The following PHLPP1 variants were observed in gnomAD, a reference collection of about 807,000 sequenced individuals.
PHLPP1 encodes the protein PH domain and leucine rich repeat protein phosphatase 1.
Under a neutral mutation model 117.2 loss-of-function variants are expected in PHLPP1, and 42 were observed. The observed-to-expected ratio is 0.36, with a 90% confidence interval of 0.28 to 0.46. PHLPP1 has a LOEUF of 0.46. Ranked by LOEUF, PHLPP1 falls within the 20% of genes least tolerant of loss-of-function variation. The probability of loss-of-function intolerance (pLI) is 1.00; values close to 1 mark genes in which losing one functional copy is unlikely to be tolerated. For missense variants in PHLPP1, 2,084 were observed against 2,241.9 expected, an observed-to-expected ratio of 0.93 and a Z score of 1.42; for synonymous variants, 1,042 against 970.7, an observed-to-expected ratio of 1.07 and a Z score of -1.37.
chr18:62,834,107 G>A (rs949593146), intron 2 of PHLPP1, among the ~76,000 whole-genome samples: 1 of 152,126 alleles, frequency 6.6e-6, no homozygotes, highest in Non-Finnish European at 1.5e-5. Flanking sequence ...TGGGGTTGGG[G>A]GGTGGGCGTT....
chr18:62,790,530 A>T (rs1444892098), intron 1 of PHLPP1, among the ~76,000 whole-genome samples: 3 of 152,234 alleles, frequency 2.0e-5, no homozygotes, highest in Non-Finnish European at 2.9e-5. Context: ...ATTCTTGGGC[A>T]TCTATAAAGC....
chr18:62,931,826 C>T (rs183789578), intron 10 of PHLPP1, among the ~76,000 whole-genome samples: 1 of 131,074 alleles, frequency 7.6e-6, no homozygotes, highest in East Asian at 2.5e-4. Flanking sequence ...ATCCGGGAGG[C>T]GGAGGTTACA....
rs1182695354 is a variant in PHLPP1, at chr18:62,972,686, A to G, written c.3733A>G (p.Asn1245Asp). ...KTKNEEEYMVNTFIVMQRKLG... is the reference protein window; with the variant it reads ...KTKNEEEYMVDTFIVMQRKLG... ...AAAAAACGAAGAAGAATACATGGTCAATACATTCATTGTCATGCAAAGGTA... is the reference window on the plus strand; with the variant it reads ...AAAAAACGAAGAAGAATACATGGTCGATACATTCATTGTCATGCAAAGGTA... Residue 1245 changes from asparagine (N) to aspartate (D), a missense_variant, in exon 15 of 17, where the codon AAT becomes GAT. Coordinates refer to ENST00000262719, the MANE Select transcript of PHLPP1 (RefSeq NM_194449.4). The G allele has an allele frequency of 6.2e-7, 1 of 1,613,146 alleles. No homozygotes were observed. Among genetic ancestry groups the G allele is most frequent in the South Asian group, 1.1e-5 (1 of 91,028 alleles).
At chr18:62,915,131 T>C in intron 9 of PHLPP1, 123 bp downstream of exon 9, 1 of 662,000 alleles carries the variant, frequency 1.5e-6, no homozygotes, top group South Asian at 2.0e-5. Flanking sequence ...TAATATGGTG[T>C]CTTTTACCCC....
Position 62,920,109 on chromosome 18 carries a change from T to C in PHLPP1, c.2955T>C (p.Ala985=), listed in dbSNP as rs1323057727. ...TCCCACCTAACCTTCTGATGAAGGC[T>C]GACAGGTAAAGCCATTTGTCTTGTT... The part of the protein sequence containing the change: ...LELPPNLLMK[A]DSLRFLNASA... The change falls in exon 10 of 17, where the codon GCT becomes GCC. Residue 985 remains alanine, a synonymous_variant. Coordinates refer to ENST00000262719, the MANE Select transcript of PHLPP1 (RefSeq NM_194449.4). 6.2e-7 allele frequency: 1 copy of C among 1,613,458 alleles called. No individual in the cohort carries two copies. The highest frequency in any genetic ancestry group is 1.7e-5 in the Admixed American group (1 of 59,918).
intron 4 of PHLPP1, among the ~76,000 whole-genome samples, chr18:62,883,213 C>G (rs1417440111): frequency 6.6e-6 from 1 of 152,030 alleles, no homozygotes; most frequent in Non-Finnish European, 1.5e-5. Flanking sequence ...GAAGAGATTG[C>G]CAAATATGAG....
rs375058081 is a variant in PHLPP1, at chr18:62,749,233, G to GT, written c.1576+31988dup. ...TATTCTAAATAAATGTATATATAAG[G>GT]TTTTTTTTTTTTTTAAATTTAAGTT... On this transcript the variant is annotated intron_variant, in intron 1 of 16. Coordinates refer to ENST00000262719, the MANE Select transcript of PHLPP1 (RefSeq NM_194449.4). Among the ~76,000 whole-genome samples, 714 of 142,814 alleles carry GT rather than the reference G, an allele frequency of 5.0e-3. 3 individuals carry two copies. The highest frequency in any genetic ancestry group is 0.021 in the South Asian group (96 of 4,474). The allele number at this position is 142,814 out of a possible 152,430, so 93.7% of individuals were successfully genotyped here.
intron 12 of PHLPP1, among the ~76,000 whole-genome samples, chr18:62,953,464 CT>C (rs779759423): frequency 8.9e-4 from 136 of 152,338 alleles, no homozygotes; most frequent in Non-Finnish European, 9.4e-4. Context: ...AAAATCTTCT[CT>C]GGAAAGGCCT....
chr18:62,736,948 A>G (rs571063787), intron 1 of PHLPP1, among the ~76,000 whole-genome samples: 1 of 152,212 alleles, frequency 6.6e-6, no homozygotes, highest in Non-Finnish European at 1.5e-5. Context: ...AGAAGTGAGG[A>G]GGTATAAAAA....
chr18:62,968,452 C>T (rs1163398999), intron 14 of PHLPP1, among the ~76,000 whole-genome samples: 1 of 139,844 alleles, frequency 7.2e-6, no homozygotes, highest in Admixed American at 7.4e-5. Context: ...TAATTTGTGT[C>T]TTTCAAGGAA....
rs35111642 is a variant in PHLPP1 at position 62,827,252 on chromosome 18, G to A, written c.1577-2783G>A. Among the ~76,000 whole-genome samples the A allele has an allele frequency of 3.4e-4, 52 of 152,294 alleles. No individual in the cohort carries two copies. The East Asian group carries it at 9.1e-3, about 27-fold the overall frequency. On this transcript the variant is annotated intron_variant, in intron 1 of 16. Coordinates refer to ENST00000262719, the MANE Select transcript of PHLPP1 (RefSeq NM_194449.4). ...ACGTCTATTTTTCCTCCTGGATCAT[G>A]TAAAAATGCCTTAAGCCTGTAGGGA...
intron 3 of PHLPP1, chr18:62,842,829 A>C (rs1287021461): frequency 3.3e-5 from 5 of 151,972 alleles, no homozygotes; most frequent in Non-Finnish European, 7.4e-5. Flanking sequence ...GGGTGAAGGA[A>C]CTCCCTGTTT....
intron 1 of PHLPP1, among the ~76,000 whole-genome samples, chr18:62,786,131 T>C (rs1913276404): frequency 6.6e-6 from 1 of 152,206 alleles, no homozygotes; most frequent in African/African-American, 2.4e-5. Context: ...AGAGAGACAT[T>C]ACATTTCTTA....
intron 1 of PHLPP1, among the ~76,000 whole-genome samples, chr18:62,781,894 T>G (rs1460972638): frequency 6.6e-6 from 1 of 152,206 alleles, no homozygotes; most frequent in Non-Finnish European, 1.5e-5. Context: ...CTGATTGGAA[T>G]GAAGATTCCC....
intron 1 of PHLPP1, among the ~76,000 whole-genome samples, chr18:62,757,157 TA>T (rs1912051651): frequency 6.6e-6 from 1 of 152,214 alleles, no homozygotes; most frequent in Non-Finnish European, 1.5e-5. Flanking sequence ...GGTGCCAGTT[TA>T]TACTTTACAG....
At chr18:62,774,824 A>G (rs935375707) in intron 1 of PHLPP1, among the ~76,000 whole-genome samples, 13 of 152,136 alleles carry the variant, frequency 8.5e-5, no homozygotes, top group African/African-American at 2.9e-4. Flanking sequence ...TGAATAGCAC[A>G]TGAAATGGGA....
chr18:62,752,730 G>T (rs1458324762), intron 1 of PHLPP1, among the ~76,000 whole-genome samples: 4 of 152,150 alleles, frequency 2.6e-5, no homozygotes, highest in Non-Finnish European at 4.4e-5. Context: ...GATGGTCAAG[G>T]TTAGATTCCA....
At chr18:62,958,430 T>G (rs1910680058) in intron 12 of PHLPP1, among the ~76,000 whole-genome samples, 199 bp from the exon 13 acceptor site, 1 of 152,206 alleles carries the variant, frequency 6.6e-6, no homozygotes. Flanking sequence ...CAAAGAAAAT[T>G]AAAAAATTTT....
At chr18:62,950,349 A>G (rs1285602132) in intron 12 of PHLPP1, among the ~76,000 whole-genome samples, 1 of 152,234 alleles carries the variant, frequency 6.6e-6, no homozygotes, top group Non-Finnish European at 1.5e-5. Context: ...GACAATGGCT[A>G]TAGGAAGTTT....
Sources: gnomAD v4.1 joint callset for allele counts (sites outside exome capture counted in the v4.1 genomes callset) on GRCh38, gnomAD v4.1.1 for gene constraint, MANE v1.5 for transcripts, NCBI Gene and HGNC (gene_info 2026-07-23, HGNC 2026-07-21) for gene names.